The following NRBP1 variants were observed in gnomAD, a reference collection of about 807,000 sequenced individuals.
NRBP1 encodes nuclear receptor binding protein 1.
In NRBP1, 10 loss-of-function variants were observed where a neutral mutation model predicts 76.0. That is an observed-to-expected ratio of 0.13 (90% CI 0.08 to 0.22). NRBP1 has a LOEUF of 0.22. Ranked by LOEUF, NRBP1 falls within the 10% of genes least tolerant of loss-of-function variation. The probability of loss-of-function intolerance (pLI) is 1.00; values close to 1 mark genes in which losing one functional copy is unlikely to be tolerated. For synonymous variants in NRBP1, 235 were observed against 240.2 expected (o/e 0.98, Z 0.20); for missense variants, 344 against 646.0 (o/e 0.53, Z 5.07).
chr2:27,433,595 G>A, intron 2 of NRBP1, 78 bp from the exon 3 acceptor site: 8 of 1,604,878 alleles, frequency 5.0e-6, no homozygotes, highest in South Asian at 1.1e-5. Flanking sequence ...GGGGCTAGGA[G>A]GAGATGATCA....
At chr2:27,438,600 C>G (rs565141286) in intron 10 of NRBP1, among the ~76,000 whole-genome samples, 2 of 152,148 alleles carry the variant, frequency 1.3e-5, no homozygotes, top group Non-Finnish European at 2.9e-5. Context: ...GGTATGTGAC[C>G]TTGTTAGCCT....
At chr2:27,432,091 C>G (rs186148834) in intron 1 of NRBP1, 3 of 152,332 alleles carry the variant, frequency 2.0e-5, no homozygotes, top group Admixed American at 2.0e-4. Context: ...TCAGGTAATC[C>G]ACCTACCTCG....
intron 8 of NRBP1, 92 bp from the exon 9 acceptor site, chr2:27,436,955 T>A: frequency 6.8e-7 from 1 of 1,473,798 alleles, no homozygotes; most frequent in Non-Finnish European, 9.4e-7. Flanking sequence ...ATACAAAATA[T>A]TTTTCTTTTC....
At chr2:27,437,004 C>T in intron 8 of NRBP1, 43 bp from the exon 9 acceptor site, 3 of 1,590,632 alleles carry the variant, frequency 1.9e-6, no homozygotes, top group Non-Finnish European at 2.6e-6. Context: ...CAACCCTAGC[C>T]CCCAATCCTC....
In NRBP1 at chr2:27,434,011, A is replaced by C; in HGVS notation, c.356A>C (p.Asp119Ala). The C allele has an allele frequency of 6.2e-7, 1 of 1,614,150 alleles. No individual in the cohort carries two copies. The highest frequency in any genetic ancestry group is 1.6e-4 in the Middle Eastern group (1 of 6,062). Residue 119 changes from aspartate (D) to alanine (A), a missense_variant, in exon 4 of 18, where the codon GAT (aspartate) becomes GCT (alanine). Physicochemically the swap from Asp to Ala is moderately radical, Grantham distance 126 (BLOSUM62 -2). Transcript: ENST00000379852. ...LQEEKVRAVF[D>A]NLIQLEHLNI... ...CAGGAAAAGGTTCGTGCTGTGTTTG[A>C]TAATCTGATTCAATTGGAGCATCTT... is the stretch of plus-strand genomic sequence containing the variant.
At position 27,435,641 on chromosome 2, in the gene NRBP1, G is replaced by A. The variant is rs1664275806; in HGVS notation, c.661+414G>A. On this transcript the variant is annotated intron_variant, in intron 7 of 17. Transcript: ENST00000379852. ...CTGTGTGGTATTTGTGTGTCCATTT[G>A]TCTGGGGCTTGGCTGCTCCATCGCT... 9.8e-6 allele frequency: 7 copies of A among 717,386 alleles called. No homozygotes were observed. The Admixed American group carries it at 1.4e-4, about 14-fold the overall frequency. 44.4% of individuals were successfully genotyped at this position (717,386 alleles called of 1,614,324 possible). A position where few individuals can be genotyped will look rare whatever the true frequency, so the allele number is the denominator to read the frequency against.
At chr2:27,429,211 C>G (rs1253164177) in intron 1 of NRBP1, 1 of 152,438 alleles carries the variant, frequency 6.6e-6, no homozygotes, top group Non-Finnish European at 1.5e-5. Context: ...TCCCTGGGCC[C>G]CAGCCTGGTT....
In NRBP1 at chr2:27,440,887, C is replaced by G; in HGVS notation, c.1276C>G (p.Pro426Ala). 1 of 1,613,896 alleles carries G rather than the reference C, an allele frequency of 6.2e-7. No individual in the cohort carries two copies. The highest frequency in any genetic ancestry group is 8.5e-7 in the Non-Finnish European group (1 of 1,180,000). Residue 426 changes from proline to alanine, a missense_variant, in exon 14 of 18, where the codon CCC (proline) becomes GCC (alanine). By Grantham distance (27) the Pro-to-Ala change is conservative (BLOSUM62 -1). Coordinates refer to ENST00000379852, the MANE Select transcript of NRBP1 (RefSeq NM_013392.4). The stretch of plus-strand genomic sequence containing the variant: ...GGAGGAGGTGACATCACCTGTCGTG[C>G]CCCCCTCTGTCAAGACTCCGACACC... The part of the protein sequence containing the change: ...QQEEVTSPVV[P>A]PSVKTPTPEP...
chr2:27,441,860 G>T lies in NRBP1; in HGVS notation c.*48G>T, dbSNP rs200302973. 3 of 1,154,652 alleles carry T rather than the reference G, an allele frequency of 2.6e-6. No homozygotes were observed. Among genetic ancestry groups the T allele is most frequent in the Non-Finnish European group, 3.9e-6 (3 of 777,100 alleles). 71.5% of individuals were successfully genotyped at this position (1,154,652 alleles called of 1,614,324 possible). A position where few individuals can be genotyped will look rare whatever the true frequency, so the allele number is the denominator to read the frequency against. On this transcript the variant is annotated 3_prime_UTR_variant, in exon 18 of 18. Coordinates refer to ENST00000379852, the MANE Select transcript of NRBP1 (RefSeq NM_013392.4). ...ATCTGCGCTGTGGCTGTCCCTGGAC[G>T]TGCTGCAGCCCTCCTGTCCCTTCCC...
chr2:27,436,676 C>A, intron 7 of NRBP1, 77 bp from the exon 8 acceptor site: 2 of 1,328,644 alleles, frequency 1.5e-6, no homozygotes, highest in Non-Finnish European at 2.2e-6. Flanking sequence ...GAGAATTTGG[C>A]TTTTGGGGCC....
At chr2:27,439,694 A>G in intron 10 of NRBP1, 72 bp from the exon 11 acceptor site, 1 of 1,576,108 alleles carries the variant, frequency 6.3e-7, no homozygotes, top group East Asian at 2.2e-5. Flanking sequence ...GCTAAGTAGA[A>G]TGAGAGCTAT....
At chr2:27,432,376 A>C (rs1664144321) in intron 1 of NRBP1, among the ~76,000 whole-genome samples, 1 of 152,208 alleles carries the variant, frequency 6.6e-6, no homozygotes, top group African/African-American at 2.4e-5. Context: ...AGTTAGGAGA[A>C]TAGTTAATGT....
rs1266673962 is a variant in NRBP1 at position 27,428,645 on chromosome 2, G to C, written c.-107G>C. ...GCCCGCAGTTCGGTTGCGCTGCGGA[G>C]CGCAGCTGTGAGGGAGTCGCTGTGA... On this transcript the variant is annotated 5_prime_UTR_variant, in exon 1 of 18. Coordinates refer to ENST00000379852, the MANE Select transcript of NRBP1 (RefSeq NM_013392.4). 4 of 398,006 alleles carry C rather than the reference G, an allele frequency of 1.0e-5. No individual in the cohort carries two copies. The Admixed American group carries it at 1.8e-4, about 18-fold the overall frequency. 24.7% of individuals were successfully genotyped at this position (398,006 alleles called of 1,614,324 possible).
chr2:27,430,464 TTTTTC>T (rs1360166466), intron 1 of NRBP1, among the ~76,000 whole-genome samples: 3 of 114,802 alleles, frequency 2.6e-5, no homozygotes, highest in African/African-American at 1.2e-4. Flanking sequence ...TTTCTTTCTT[TTTTTC>T]TTTTTTTTTT....
chr2:27,429,192 GCCGCT>G (rs1664004734), intron 1 of NRBP1: 1 of 152,462 alleles, frequency 6.6e-6, no homozygotes, highest in Non-Finnish European at 1.5e-5. Flanking sequence ...TGAGGTGGCC[GCCGCT>G]GGCTCCCTGG....
chr2:27,439,484 CAAAA>C (rs70953858), intron 10 of NRBP1, among the ~76,000 whole-genome samples: 12 of 66,680 alleles, frequency 1.8e-4, no homozygotes, highest in East Asian at 5.7e-4. Flanking sequence ...GACTCCGTCT[CAAAA>C]AAAAAAAAAA....
chr2:27,434,965 C>A, intron 6 of NRBP1, 168 bp from the exon 7 acceptor site: 1 of 662,446 alleles, frequency 1.5e-6, no homozygotes, highest in Non-Finnish European at 2.7e-6. Context: ...CCTCTTTCTC[C>A]TAGTGCTTAT....
intron 6 of NRBP1, 162 bp downstream of exon 6, chr2:27,434,924 C>T: frequency 8.2e-6 from 6 of 732,060 alleles, no homozygotes; most frequent in Non-Finnish European, 1.4e-5. Context: ...AGGGTGCGTC[C>T]TAATGCCCTA....
At chr2:27,438,599 C>T (rs1294217435) in intron 10 of NRBP1, among the ~76,000 whole-genome samples, 1 of 152,098 alleles carries the variant, frequency 6.6e-6, no homozygotes, top group Non-Finnish European at 1.5e-5. Context: ...AGGTATGTGA[C>T]CTTGTTAGCC....
Sources: allele counts gnomAD v4.1 joint callset (sites outside exome capture counted in the v4.1 genomes callset), GRCh38; gene constraint gnomAD v4.1.1; transcripts MANE v1.5; gene names NCBI Gene and HGNC (gene_info 2026-07-23, HGNC 2026-07-21).